The following STK10 variants were observed in gnomAD, a reference collection of about 807,000 sequenced individuals.
STK10 encodes the protein serine/threonine-protein kinase 10.
A neutral mutation model predicts 113.8 loss-of-function variants in STK10; 78 were observed. The ratio of observed to expected loss-of-function variants is 0.69; its 90% confidence interval spans 0.57 to 0.83. The LOEUF (loss-of-function observed/expected upper bound fraction) is 0.83. Ranked by LOEUF, STK10 falls within the 40% of genes least tolerant of loss-of-function variation. The probability of loss-of-function intolerance (pLI) is 0.00; values close to 1 mark genes in which losing one functional copy is unlikely to be tolerated. For missense variants in STK10, 1,109 were observed against 1,280.1 expected, an observed-to-expected ratio of 0.87 and a Z score of 2.04; for synonymous variants, 465 against 494.7, an observed-to-expected ratio of 0.94 and a Z score of 0.80.
intron 12 of STK10, among the ~76,000 whole-genome samples, chr5:172,081,535 T>A (rs559175188): frequency 6.6e-6 from 1 of 152,228 alleles, no homozygotes; most frequent in East Asian, 1.9e-4. Context: ...CTCCGAGGTA[T>A]ATCTGTGCCT....
intron 18 of STK10, among the ~76,000 whole-genome samples, chr5:172,047,181 C>T (rs932393005): frequency 1.3e-5 from 2 of 152,160 alleles, no homozygotes; most frequent in African/African-American, 4.8e-5. Context: ...GGTCATTGTT[C>T]CAGCAGAAAC....
In STK10 at chr5:172,187,779, G is replaced by A; in HGVS notation, c.156+108C>T. ...GAGGGCCAGGGACCCCGAATTCAGCGCCGGGCAGCCCTCGGAGCCGGAGCC... is the reference window on the plus strand; with the variant it reads ...GAGGGCCAGGGACCCCGAATTCAGCACCGGGCAGCCCTCGGAGCCGGAGCC... On this transcript the variant is annotated intron_variant, in intron 1 of 18. Transcript: ENST00000176763. This position sits in a 1 kb window ranked among gnomAD's most constrained non-coding sequence, Gnocchi z 4.6. The A allele has an allele frequency of 3.4e-6, 5 of 1,479,558 alleles. No homozygotes were observed. The highest frequency in any genetic ancestry group is 1.4e-5 in the African/African-American group (1 of 70,794). 91.7% of individuals were successfully genotyped at this position (1,479,558 alleles called of 1,614,324 possible).
chr5:172,163,852 G>A (rs1770514086), intron 1 of STK10, among the ~76,000 whole-genome samples: 1 of 152,108 alleles, frequency 6.6e-6, no homozygotes, highest in Non-Finnish European at 1.5e-5. Context: ...ATATCTAGAA[G>A]TGGGTAGGGA....
At position 172,108,504 on chromosome 5, in the gene STK10, T is replaced by C. The variant is rs187875645; in HGVS notation, c.521-652A>G. ...GGTGGTGGACGCCTGTAATCCCAGA[T>C]ACTTGGGGGGCTGAGGCACAAAAAT... On this transcript the variant is annotated intron_variant, in intron 4 of 18. Transcript: ENST00000176763. Among the ~76,000 whole-genome samples the C allele has an allele frequency of 4.4e-4, 66 of 150,712 alleles. 1 individual carries two copies. Among genetic ancestry groups the C allele is most frequent in the African/African-American group, 1.5e-3 (60 of 41,024 alleles).
At chr5:172,070,832 G>A (rs537410849) in intron 12 of STK10, among the ~76,000 whole-genome samples, 1 of 152,176 alleles carries the variant, frequency 6.6e-6, no homozygotes, top group African/African-American at 2.4e-5. Context: ...GGCATTAAAA[G>A]GATAGTCAGG....
intron 2 of STK10, among the ~76,000 whole-genome samples, chr5:172,145,079 G>A (rs1192876108): frequency 6.6e-6 from 1 of 152,188 alleles, no homozygotes; most frequent in Non-Finnish European, 1.5e-5. Flanking sequence ...GCTAAGATCA[G>A]ACTCTGTGCA....
intron 18 of STK10, among the ~76,000 whole-genome samples, chr5:172,048,414 TACACACACAC>T (rs370301917): frequency 3.0e-4 from 39 of 128,480 alleles, no homozygotes; most frequent in Non-Finnish European, 4.7e-4. Flanking sequence ...TCCCTCTCCC[TACACACACAC>T]ACACACACAC....
At chr5:172,045,939 C>CT (rs1767485968) in intron 18 of STK10, among the ~76,000 whole-genome samples, 1 of 151,932 alleles carries the variant, frequency 6.6e-6, no homozygotes, top group Non-Finnish European at 1.5e-5. Context: ...ATCCACCCAC[C>CT]TTGGCCTCCC....
intron 3 of STK10, among the ~76,000 whole-genome samples, chr5:172,127,134 T>G (rs1769638058): frequency 6.6e-6 from 1 of 152,078 alleles, no homozygotes; most frequent in South Asian, 2.1e-4. Flanking sequence ...ATCGCACCAC[T>G]GCATTCCAGC....
intron 12 of STK10, among the ~76,000 whole-genome samples, chr5:172,068,076 C>CA (rs1337354389): frequency 6.6e-6 from 1 of 152,188 alleles, no homozygotes; most frequent in Non-Finnish European, 1.5e-5. Context: ...CGCGGTGGCT[C>CA]ACGCCTGTAA....
At chr5:172,176,140 A>G (rs761910206) in intron 1 of STK10, among the ~76,000 whole-genome samples, 3 of 152,182 alleles carry the variant, frequency 2.0e-5, no homozygotes, top group Non-Finnish European at 4.4e-5. Flanking sequence ...ATGTGATTGT[A>G]CCATTACCAT....
intron 1 of STK10, among the ~76,000 whole-genome samples, chr5:172,182,676 C>G (rs1770879582): frequency 6.6e-6 from 1 of 151,486 alleles, no homozygotes; most frequent in African/African-American, 2.4e-5. Context: ...GCCTCAGCCT[C>G]CAGAGCAGCT....
intron 14 of STK10, 127 bp from the exon 15 acceptor site, chr5:172,057,600 T>C (rs17074262): frequency 0.11 from 157,311 of 1,416,806 alleles, 10,507 homozygotes; most frequent in African/African-American, 0.26. Flanking sequence ...GCTCAGGAAT[T>C]GCCACATGTT....
intron 18 of STK10, among the ~76,000 whole-genome samples, chr5:172,050,495 G>A (rs1767604828): frequency 6.6e-6 from 1 of 152,106 alleles, no homozygotes; most frequent in Non-Finnish European, 1.5e-5. Flanking sequence ...TAGTCGAAAT[G>A]AGCCTGGGCA....
intron 15 of STK10, among the ~76,000 whole-genome samples, chr5:172,055,987 T>C (rs1286186003): frequency 1.3e-5 from 2 of 152,390 alleles, no homozygotes; most frequent in East Asian, 1.9e-4. Context: ...TCTTGGATTC[T>C]TACCTTCTAA....
At chr5:172,167,975 A>C (rs139022401) in intron 1 of STK10, among the ~76,000 whole-genome samples, 78 of 152,280 alleles carry the variant, frequency 5.1e-4, no homozygotes, top group African/African-American at 1.8e-3. Flanking sequence ...GAGGAACCCC[A>C]CCCAATGATC....
At chr5:172,135,232 G>A (rs968230615) in intron 2 of STK10, among the ~76,000 whole-genome samples, 1 of 152,164 alleles carries the variant, frequency 6.6e-6, no homozygotes, top group Admixed American at 6.5e-5. Flanking sequence ...CATGAACAAG[G>A]CTGGGCACGG....
At position 172,120,444 on chromosome 5, in the gene STK10, C is replaced by T. The variant is rs949145322; in HGVS notation, c.371-2814G>A. ...ACCAGGGACCCTTCTCTCTGGAGTC[C>T]GCAAGCTGCCTGCCCCCTGTCCCTG... On this transcript the variant is annotated intron_variant, in intron 3 of 18. Coordinates refer to ENST00000176763, the MANE Select transcript of STK10 (RefSeq NM_005990.4). This position sits in a 1 kb window ranked among gnomAD's most constrained non-coding sequence, Gnocchi z 4.0. Among the ~76,000 whole-genome samples, 6 of 152,158 alleles carry T rather than the reference C, an allele frequency of 3.9e-5. No individual in the cohort carries two copies. Among genetic ancestry groups the T allele is most frequent in the African/African-American group, 7.2e-5 (3 of 41,438 alleles).
intron 10 of STK10, among the ~76,000 whole-genome samples, chr5:172,083,925 G>GAAAAAAA (rs58326550): frequency 1.7e-4 from 15 of 85,738 alleles, no homozygotes; most frequent in Middle Eastern, 7.0e-3. Context: ...ACAAAAAAAA[G>GAAAAAAA]AAAAAAAAAA....
Sources: allele counts gnomAD v4.1 joint callset (sites outside exome capture counted in the v4.1 genomes callset), GRCh38; gene constraint gnomAD v4.1.1; non-coding constraint Gnocchi (gnomAD v3.1); transcripts MANE v1.5; gene names NCBI Gene and HGNC (gene_info 2026-07-23, HGNC 2026-07-21).